Variants in ACADL observed in about 807,000 individuals in gnomAD.
The protein encoded by ACADL is long-chain specific acyl-CoA dehydrogenase, mitochondrial.
Under a neutral mutation model 56.9 loss-of-function variants are expected in ACADL, and 60 were observed. That is an observed-to-expected ratio of 1.05 (90% CI 0.86 to 1.31). The LOEUF (loss-of-function observed/expected upper bound fraction) is 1.31, where lower values mean the gene tolerates loss of function less well. ACADL is among the 50% of genes most tolerant of loss of function. The pLI, the probability that ACADL is intolerant of heterozygous loss-of-function variation, is 0.00. For missense variants in ACADL, 484 were observed against 525.5 expected (o/e 0.92, Z 0.77); for synonymous variants, 158 against 179.7 (o/e 0.88, Z 0.97).
chr2:210,225,264 G>A lies in ACADL; in HGVS notation c.-1C>T. 6.4e-7 allele frequency: 1 copy of A among 1,556,394 alleles called. No homozygotes were observed. Among genetic ancestry groups the A allele is most frequent in the Non-Finnish European group, 8.6e-7 (1 of 1,157,030 alleles). On this transcript the variant is annotated 5_prime_UTR_variant, in exon 1 of 11. Transcript: ENST00000233710. ...ACCCTCGGAGAAGGCGTGCGGCCATGTCCGAAACACAGGGGCGGCGGGGCG... is the reference window on the plus strand; with the variant it reads ...ACCCTCGGAGAAGGCGTGCGGCCATATCCGAAACACAGGGGCGGCGGGGCG...
intron 8 of ACADL, among the ~76,000 whole-genome samples, chr2:210,202,747 C>T (rs1688814675): frequency 6.6e-6 from 1 of 151,948 alleles, no homozygotes; most frequent in African/African-American, 2.4e-5. Flanking sequence ...CTCAAATCTC[C>T]TTCCCCTCCC....
Position 210,220,790 on chromosome 2 carries a change from G to A in ACADL, c.90C>T (p.Ser30=), listed in dbSNP as rs755556107. 37 of 1,604,658 alleles carry A rather than the reference G, an allele frequency of 2.3e-5. No individual in the cohort carries two copies. The highest frequency in any genetic ancestry group is 6.7e-5 in the East Asian group (3 of 44,684). Residue 30 remains serine, a synonymous_variant, in exon 2 of 11, where the codon TCC becomes TCT. Coordinates refer to ENST00000233710, the MANE Select transcript of ACADL (RefSeq NM_001608.4). ...RQLPAARCSH[S]GGEERLETPS... Reference sequence around the variant, plus strand: ...GAGTTTCTAGACGTTCTTCCCCTCCGGAATGAGAACATCTTAAAAATATAT... The same window carrying A: ...GAGTTTCTAGACGTTCTTCCCCTCCAGAATGAGAACATCTTAAAAATATAT...
intron 3 of ACADL, 66 bp from the exon 4 acceptor site, chr2:210,216,577 C>A: frequency 1.4e-6 from 2 of 1,441,280 alleles, no homozygotes; most frequent in Non-Finnish European, 1.9e-6. Context: ...ATTATAACAA[C>A]AATGTATTAA....
chr2:210,208,595 A>G (rs541497910), intron 5 of ACADL, among the ~76,000 whole-genome samples: 5 of 152,308 alleles, frequency 3.3e-5, no homozygotes, highest in Non-Finnish European at 1.5e-5. Flanking sequence ...CAGATATTGT[A>G]TAGAGAATGT....
rs1241757532 is a variant in ACADL at position 210,225,206 on chromosome 2, G to C, written c.58C>G (p.Arg20Gly). The C allele has an allele frequency of 6.5e-7, 1 of 1,540,066 alleles. No individual in the cohort carries two copies. The highest frequency in any genetic ancestry group is 8.7e-7 in the Non-Finnish European group (1 of 1,148,736). ...ACTCACCGCGCGGCGGGCAGCTGGC[G>C]CGGCGCACGGTGGCCGCCCAGGACG... is the stretch of plus-strand genomic sequence containing the variant. ...LRVLGGHRAP[R>G]QLPAARCSHS... Residue 20 changes from arginine to glycine, a missense_variant, in exon 1 of 11, where the codon CGC (arginine) becomes GGC (glycine). Physicochemically the swap from Arg to Gly is moderately radical, Grantham distance 125. Transcript: ENST00000233710.
At chr2:210,194,482 A>T (rs1688678523) in intron 9 of ACADL, among the ~76,000 whole-genome samples, 1 of 152,214 alleles carries the variant, frequency 6.6e-6, no homozygotes, top group Non-Finnish European at 1.5e-5. Context: ...TAGACTGTAT[A>T]TTCTAAAATC....
intron 10 of ACADL, among the ~76,000 whole-genome samples, chr2:210,190,004 T>C (rs757598363): frequency 2.0e-5 from 3 of 152,330 alleles, no homozygotes; most frequent in South Asian, 2.1e-4. Context: ...CTTTGGACTT[T>C]CCTGGTAGAC....
chr2:210,204,694 T>C lies in ACADL; in HGVS notation c.769-12A>G. The C allele has an allele frequency of 6.4e-7, 1 of 1,559,104 alleles. No individual in the cohort carries two copies. The highest frequency in any genetic ancestry group is 8.8e-7 in the Non-Finnish European group (1 of 1,130,272). On this transcript the variant is annotated splice_polypyrimidine_tract_variant and intron_variant, in intron 6 of 10. Coordinates refer to ENST00000233710, the MANE Select transcript of ACADL (RefSeq NM_001608.4). ...AGTTCTGCGGTATCCTAAGAGACCA[T>C]ACAAAAAATGTAGAGAATGGTCTCA...
At chr2:210,201,649 C>A (rs1258332915) in intron 8 of ACADL, among the ~76,000 whole-genome samples, 1 of 152,130 alleles carries the variant, frequency 6.6e-6, no homozygotes, top group Non-Finnish European at 1.5e-5. Flanking sequence ...CTTCACAAAG[C>A]CTTTCAGCCA....
Position 210,188,160 on chromosome 2 carries a change from G to C in ACADL, c.*801C>G, listed in dbSNP as rs1246901927. Reference sequence around the variant, plus strand: ...CATTGTATTAACAGCCTGGTTTATAGAAGACATAAAGTAATTATTAAGTTA... The same window carrying C: ...CATTGTATTAACAGCCTGGTTTATACAAGACATAAAGTAATTATTAAGTTA... On this transcript the variant is annotated 3_prime_UTR_variant, in exon 11 of 11. Transcript: ENST00000233710. 1 of 152,082 alleles carries C rather than the reference G, an allele frequency of 6.6e-6. No homozygotes were observed. The highest frequency in any genetic ancestry group is 2.4e-5 in the African/African-American group (1 of 41,396). The allele number at this position is 152,082 out of a possible 1,614,324, so 9.4% of individuals were successfully genotyped here. A position where few individuals can be genotyped will look rare whatever the true frequency, so the allele number is the denominator to read the frequency against.
rs528951942 is a variant in ACADL, at chr2:210,200,346, CAATT to C, written c.984+2981_984+2984del. Among the ~76,000 whole-genome samples, 420 of 152,184 alleles carry C rather than the reference CAATT, an allele frequency of 2.8e-3. 2 individuals carry two copies. The highest frequency in any genetic ancestry group is 9.8e-3 in the African/African-American group (406 of 41,532). On this transcript the variant is annotated intron_variant, in intron 8 of 10. Coordinates refer to ENST00000233710, the MANE Select transcript of ACADL (RefSeq NM_001608.4). ...GAAATTATTGATATTTTGAGTGACACAATTAGTTGTAATCCAAATGTGAATTACA... is the reference window on the plus strand; with the variant it reads ...GAAATTATTGATATTTTGAGTGACACAGTTGTAATCCAAATGTGAATTACA...
At position 210,225,412 on chromosome 2, in the gene ACADL, C is replaced by T; in HGVS notation, c.-149G>A. The T allele has an allele frequency of 3.7e-6, 3 of 811,048 alleles. No individual in the cohort carries two copies. Among genetic ancestry groups the T allele is most frequent in the South Asian group, 3.6e-5 (2 of 54,866 alleles). The allele number at this position is 811,048 out of a possible 1,614,324, so 50.2% of individuals were successfully genotyped here. On this transcript the variant is annotated 5_prime_UTR_variant, in exon 1 of 11. Coordinates refer to ENST00000233710, the MANE Select transcript of ACADL (RefSeq NM_001608.4). ...AGCGCTCGCGCGCGCCCTTCCGGAGCCCCAACCACGCCACAGGCTGGTCGC... is the reference window on the plus strand; with the variant it reads ...AGCGCTCGCGCGCGCCCTTCCGGAGTCCCAACCACGCCACAGGCTGGTCGC...
At position 210,196,156 on chromosome 2, in the gene ACADL, C is replaced by T. The variant is rs191199777; in HGVS notation, c.985-818G>A. ...TTATAAAGAGTGGTTCCCCTGCACA[C>T]GCTGTTTTGCCTGCTACCATGTAAG... On this transcript the variant is annotated intron_variant, in intron 8 of 10. Transcript: ENST00000233710. 1.1e-4 allele frequency among the ~76,000 whole-genome samples: 16 copies of T among 152,210 alleles called. No homozygotes were observed. In the East Asian group the frequency reaches 1.7e-3, roughly 17 times the overall value.
chr2:210,214,509 A>AAGAAAGAAAGAG (rs1553690970), intron 4 of ACADL, among the ~76,000 whole-genome samples: 205 of 18,932 alleles, frequency 0.011, 1 homozygote, highest in Admixed American at 0.027. Context: ...GAAAGAAAGA[A>AAGAAAGAAAGAG]AAAGAAAGAA....
intron 8 of ACADL, among the ~76,000 whole-genome samples, chr2:210,198,630 TAA>T (rs1221241474): frequency 2.6e-5 from 4 of 152,030 alleles, no homozygotes; most frequent in Non-Finnish European, 5.9e-5. Context: ...AGTATATAGG[TAA>T]AGAGTGTAGG....
intron 7 of ACADL, among the ~76,000 whole-genome samples, 170 bp from the exon 8 acceptor site, chr2:210,203,614 C>T (rs748444132): frequency 1.3e-5 from 2 of 152,114 alleles, no homozygotes; most frequent in Admixed American, 1.3e-4. Context: ...TTTGACATAT[C>T]TCTAATCACT....
intron 9 of ACADL, 127 bp downstream of exon 9, chr2:210,195,084 G>A: frequency 8.4e-7 from 1 of 1,195,772 alleles, no homozygotes. Context: ...TTTTAAAGTG[G>A]AGTCTCACTT....
At chr2:210,194,880 A>G (rs1255716798) in intron 9 of ACADL, among the ~76,000 whole-genome samples, 1 of 152,162 alleles carries the variant, frequency 6.6e-6, no homozygotes, top group East Asian at 1.9e-4. Flanking sequence ...AAATTAAACT[A>G]TTACTTGAAT....
chr2:210,206,015 A>G (rs1688882771), intron 5 of ACADL, among the ~76,000 whole-genome samples: 1 of 152,138 alleles, frequency 6.6e-6, no homozygotes. Flanking sequence ...AATGAAACCT[A>G]TAGATTTTCT....
Sources: gnomAD v4.1 joint callset for allele counts (sites outside exome capture counted in the v4.1 genomes callset) on GRCh38, gnomAD v4.1.1 for gene constraint, MANE v1.5 for transcripts, NCBI Gene and HGNC (gene_info 2026-07-23, HGNC 2026-07-21) for gene names.